Variants in COL11A1 observed in about 807,000 individuals in gnomAD.
The protein encoded by COL11A1 is collagen alpha-1(XI) chain.
In COL11A1, 74 loss-of-function variants were observed where a neutral mutation model predicts 265.2. The ratio of observed to expected loss-of-function variants is 0.28; its 90% CI spans 0.23 to 0.34. COL11A1 has a LOEUF of 0.34. COL11A1 is among the 10% of genes least tolerant of loss of function. The pLI is 1.00. For synonymous variants in COL11A1, 816 were observed against 727.6 expected, an observed-to-expected ratio of 1.12 and a Z score of -1.96; for missense variants, 2,165 against 2,263.6, an observed-to-expected ratio of 0.96 and a Z score of 0.88.
At chr1:103,001,667 T>G (rs12131957) in intron 24 of COL11A1, 1 of 540,808 alleles carries the variant, frequency 1.8e-6, no homozygotes, top group Non-Finnish European at 3.3e-6. Flanking sequence ...CATACCGTTA[T>G]GTTCCTGAAA....
intron 13 of COL11A1, 45 bp from the exon 14 acceptor site, chr1:103,012,514 A>G: frequency 7.0e-7 from 1 of 1,422,702 alleles, no homozygotes; most frequent in Non-Finnish European, 9.9e-7. Context: ...CTCCTGGAAG[A>G]GCACATTAAA....
At chr1:103,002,098 C>G (rs1032503375) in intron 23 of COL11A1, 129 bp from the exon 24 acceptor site, 2 of 821,408 alleles carry the variant, frequency 2.4e-6, no homozygotes, top group Non-Finnish European at 4.0e-6. Context: ...CCATACACCC[C>G]AAGGAATTTT....
chr1:103,001,259 T>C (rs1454537524), intron 24 of COL11A1: 1 of 397,210 alleles, frequency 2.5e-6, no homozygotes, highest in Non-Finnish European at 4.4e-6. Flanking sequence ...ATATTTATAG[T>C]ATTTAAATTA....
At chr1:102,938,273 TA>T (rs1201232426) in intron 44 of COL11A1, among the ~76,000 whole-genome samples, 2 of 151,686 alleles carry the variant, frequency 1.3e-5, no homozygotes, top group Non-Finnish European at 2.9e-5. Flanking sequence ...TTGCTGGGGA[TA>T]ATGTATAAAC....
chr1:102,913,726 C>T lies in COL11A1; in HGVS notation c.3979-36G>A, dbSNP rs1654977259. On this transcript the variant is annotated intron_variant, in intron 52 of 66. Coordinates refer to ENST00000370096, the MANE Select transcript of COL11A1 (RefSeq NM_001854.4). ...CAATAAAATATGAAGCAAGATATATCTCAGTATCAATAAATCACACTACTT... is the reference window on the plus strand; with the variant it reads ...CAATAAAATATGAAGCAAGATATATTTCAGTATCAATAAATCACACTACTT... 4 of 1,582,632 alleles carry T rather than the reference C, an allele frequency of 2.5e-6. No individual in the cohort carries two copies. In the Middle Eastern group the frequency reaches 5.0e-4, roughly 198 times the overall value.
intron 5 of COL11A1, among the ~76,000 whole-genome samples, chr1:103,028,194 C>T (rs904942253): frequency 6.6e-6 from 1 of 152,046 alleles, no homozygotes; most frequent in African/African-American, 2.4e-5. Context: ...CCATGCCCGG[C>T]TAATTTTTTA....
intron 13 of COL11A1, among the ~76,000 whole-genome samples, chr1:103,013,540 A>G (rs1166778122): frequency 6.6e-6 from 1 of 151,990 alleles, no homozygotes; most frequent in Non-Finnish European, 1.5e-5. Flanking sequence ...AATCTAATAA[A>G]CAAATATTTT....
intron 12 of COL11A1, among the ~76,000 whole-genome samples, chr1:103,015,303 C>T (rs747405062): frequency 2.0e-5 from 3 of 151,512 alleles, no homozygotes; most frequent in Non-Finnish European, 4.4e-5. Flanking sequence ...AATAACACTA[C>T]AAATAAATAC....
At chr1:102,932,971 G>C (rs964450674) in intron 46 of COL11A1, among the ~76,000 whole-genome samples, 97 of 138,920 alleles carry the variant, frequency 7.0e-4, no homozygotes, top group Middle Eastern at 3.7e-3. Context: ...CCCTGTATTG[G>C]TTATTCTAGT....
At chr1:103,005,678 G>A (rs1026489052) in intron 18 of COL11A1, among the ~76,000 whole-genome samples, 160 bp downstream of exon 18, 4 of 152,126 alleles carry the variant, frequency 2.6e-5, no homozygotes, top group Admixed American at 6.6e-5. Flanking sequence ...GATACCACAT[G>A]TGTAATTTTA....
At chr1:103,068,610 A>G (rs1671332670) in intron 4 of COL11A1, among the ~76,000 whole-genome samples, 1 of 151,532 alleles carries the variant, frequency 6.6e-6, no homozygotes. Flanking sequence ...TATCCCATTC[A>G]TTGCCGTAAG....
At chr1:102,879,643 A>G (rs1649978711) in intron 66 of COL11A1, 40 bp downstream of exon 66, 2 of 1,567,192 alleles carry the variant, frequency 1.3e-6, no homozygotes, top group Non-Finnish European at 1.8e-6. Flanking sequence ...CATGCTGCCT[A>G]TCATCTCTGT....
intron 12 of COL11A1, among the ~76,000 whole-genome samples, 186 bp downstream of exon 12, chr1:103,015,482 C>A (rs1397777062): frequency 6.6e-6 from 1 of 151,922 alleles, no homozygotes; most frequent in East Asian, 1.9e-4. Flanking sequence ...AGTTTTAATG[C>A]AGAGATTGAT....
At chr1:103,004,394 A>T in intron 20 of COL11A1, 50 bp downstream of exon 20, 1 of 1,338,684 alleles carries the variant, frequency 7.5e-7, no homozygotes, top group Non-Finnish European at 1.1e-6. Context: ...ACCAGTCACT[A>T]GTCCTAAAAA....
chr1:103,010,767 C>T lies in COL11A1; in HGVS notation c.1629+1646G>A, dbSNP rs182410644. On this transcript the variant is annotated intron_variant, in intron 14 of 66. Transcript: ENST00000370096. ...CAAGGCTGGAGTGCAGTGGCACAAT[C>T]TCAGCTCACAGCAACCTCCACATCC... Among the ~76,000 whole-genome samples the T allele has an allele frequency of 3.3e-5, 5 of 151,136 alleles. No individual in the cohort carries two copies. In the East Asian group the frequency reaches 9.8e-4, roughly 30 times the overall value.
chr1:102,911,889 T>A (rs1202282257), intron 54 of COL11A1, among the ~76,000 whole-genome samples: 1 of 152,200 alleles, frequency 6.6e-6, no homozygotes, highest in African/African-American at 2.4e-5. Context: ...TATAATAATC[T>A]ACTACATTTG....
intron 4 of COL11A1, among the ~76,000 whole-genome samples, chr1:103,039,382 T>C (rs1281916401): frequency 1.3e-5 from 2 of 152,130 alleles, no homozygotes; most frequent in African/African-American, 2.4e-5. Flanking sequence ...TATGTTGAAA[T>C]CCTAATTCCC....
At chr1:103,019,904 C>T (rs1291125159) in intron 9 of COL11A1, among the ~76,000 whole-genome samples, 1 of 149,670 alleles carries the variant, frequency 6.7e-6, no homozygotes, top group Non-Finnish European at 1.5e-5. Flanking sequence ...CATGTCCCTA[C>T]AAAGGACATG....
intron 38 of COL11A1, among the ~76,000 whole-genome samples, chr1:102,963,129 T>G (rs1296655610): frequency 2.6e-5 from 4 of 152,166 alleles, no homozygotes; most frequent in African/African-American, 9.7e-5. Flanking sequence ...TCAAATCAGC[T>G]TAGTAGTAAA....
Sources: allele counts gnomAD v4.1 joint callset (sites outside exome capture counted in the v4.1 genomes callset), GRCh38; gene constraint gnomAD v4.1.1; transcripts MANE v1.5; gene names NCBI Gene and HGNC (gene_info 2026-07-23, HGNC 2026-07-21).